Variants in UGGT2 observed in about 807,000 individuals in gnomAD.
UGGT2 encodes the protein UDP-glucose glycoprotein glucosyltransferase 2.
UGGT2 carries 180 observed loss-of-function variants against 192.1 expected under a neutral mutation model. The observed-to-expected ratio is 0.94, with a 90% CI of 0.83 to 1.06. The LOEUF (loss-of-function observed/expected upper bound fraction) is 1.06. UGGT2 is among the 50% of genes least tolerant of loss of function. The pLI is 0.00. For missense variants in UGGT2, 1,849 were observed against 1,795.7 expected (o/e 1.03, Z -0.54); for synonymous variants, 580 against 591.0 (o/e 0.98, Z 0.27).
At chr13:95,807,767 T>C (rs1233540231) in intron 38 of UGGT2, among the ~76,000 whole-genome samples, 3 of 147,814 alleles carry the variant, frequency 2.0e-5, no homozygotes, top group Admixed American at 2.0e-4. Flanking sequence ...ATGATTTCCT[T>C]GGTTAGCTTT....
intron 10 of UGGT2, among the ~76,000 whole-genome samples, chr13:95,979,018 T>C (rs536532008): frequency 1.4e-4 from 21 of 152,320 alleles, no homozygotes; most frequent in African/African-American, 5.1e-4. Flanking sequence ...TTTGGTTCAT[T>C]AAGCAATTAT....
intron 1 of UGGT2, among the ~76,000 whole-genome samples, chr13:96,042,176 C>G (rs2053183450): frequency 6.6e-6 from 1 of 152,174 alleles, no homozygotes; most frequent in Admixed American, 6.5e-5. Context: ...CTAAGAGACC[C>G]ATAGACAGTT....
At chr13:95,824,034 T>C (rs1186098909) in intron 38 of UGGT2, among the ~76,000 whole-genome samples, 1 of 152,158 alleles carries the variant, frequency 6.6e-6, no homozygotes, top group Non-Finnish European at 1.5e-5. Context: ...TGAAAGGTTT[T>C]AGTTTTACTG....
chr13:96,007,296 T>C (rs1333483778), intron 5 of UGGT2, among the ~76,000 whole-genome samples: 2 of 152,126 alleles, frequency 1.3e-5, no homozygotes, highest in Non-Finnish European at 2.9e-5. Context: ...AGAGGGAACA[T>C]ACCTCAAAAT....
chr13:95,973,110 C>T (rs1396285111), intron 10 of UGGT2, among the ~76,000 whole-genome samples: 2 of 152,132 alleles, frequency 1.3e-5, no homozygotes, highest in Non-Finnish European at 2.9e-5. Flanking sequence ...GCGGAGGTTG[C>T]AGTGAGCCAA....
intron 38 of UGGT2, among the ~76,000 whole-genome samples, chr13:95,821,798 G>C (rs1885544543): frequency 6.6e-6 from 1 of 152,064 alleles, no homozygotes; most frequent in Non-Finnish European, 1.5e-5. Context: ...AGTTTTCCCA[G>C]CATCATTTAT....
At chr13:95,927,466 CTTTCTTTTTT>C (rs2049059906) in intron 17 of UGGT2, 130 bp from the exon 18 acceptor site, 5 of 590,038 alleles carry the variant, frequency 8.5e-6, no homozygotes, top group Admixed American at 4.0e-5. Context: ...AATACATTTT[CTTTCTTTTTT>C]TTTTTTTTTT....
chr13:95,982,877 G>A (rs2051172493), intron 10 of UGGT2, among the ~76,000 whole-genome samples: 1 of 152,174 alleles, frequency 6.6e-6, no homozygotes, highest in African/African-American at 2.4e-5. Context: ...ATGATGTGTT[G>A]TGGTTCCTAA....
intron 38 of UGGT2, among the ~76,000 whole-genome samples, chr13:95,804,434 T>C (rs1322492312): frequency 1.3e-5 from 2 of 152,182 alleles, no homozygotes; most frequent in Non-Finnish European, 1.5e-5. Flanking sequence ...ACCCCAATGA[T>C]GCTTTTTATA....
At chr13:95,838,549 T>C (rs774600816) in intron 36 of UGGT2, among the ~76,000 whole-genome samples, 1 of 152,106 alleles carries the variant, frequency 6.6e-6, no homozygotes, top group Non-Finnish European at 1.5e-5. Context: ...AGTCTTACTA[T>C]AAAGTTACAG....
intron 27 of UGGT2, among the ~76,000 whole-genome samples, chr13:95,878,997 G>A (rs1175571654): frequency 6.6e-6 from 1 of 152,100 alleles, no homozygotes; most frequent in Non-Finnish European, 1.5e-5. Context: ...CCTATATCCA[G>A]AGTCTTTATA....
chr13:95,911,550 C>T (rs1233278762), intron 20 of UGGT2, among the ~76,000 whole-genome samples: 2 of 152,168 alleles, frequency 1.3e-5, no homozygotes, highest in Non-Finnish European at 1.5e-5. Context: ...AGCTGAATCT[C>T]TGAATAGACA....
intron 1 of UGGT2, among the ~76,000 whole-genome samples, chr13:96,039,387 C>A (rs1271633869): frequency 2.6e-5 from 4 of 152,194 alleles, no homozygotes; most frequent in African/African-American, 9.7e-5. Context: ...CACATCATTA[C>A]ACGGATCCTC....
Position 95,985,412 on chromosome 13 carries a change from T to C in UGGT2, c.1031+921A>G, listed in dbSNP as rs553643850. ...CCTTGGTATCTTGTAGCCAACCATG[T>C]ACTATTTATTTACTTTCAAAATTAA... On this transcript the variant is annotated intron_variant, in intron 9 of 38. Transcript: ENST00000376747. 65 of 402,798 alleles carry C rather than the reference T, an allele frequency of 1.6e-4. No homozygotes were observed. In the East Asian group the frequency reaches 4.7e-3, roughly 29 times the overall value. 25.0% of individuals were successfully genotyped at this position (402,798 alleles called of 1,614,324 possible).
intron 12 of UGGT2, among the ~76,000 whole-genome samples, chr13:95,968,144 A>G (rs1266171757): frequency 6.6e-6 from 1 of 152,134 alleles, no homozygotes; most frequent in East Asian, 1.9e-4. Flanking sequence ...GAGTTTCATC[A>G]TTAAAAATGA....
At chr13:95,867,857 A>T (rs1362454851) in intron 29 of UGGT2, among the ~76,000 whole-genome samples, 4 of 152,188 alleles carry the variant, frequency 2.6e-5, no homozygotes. Context: ...AGCCATTTTC[A>T]AATGCCAAAA....
At chr13:96,041,503 T>G (rs778067628) in intron 1 of UGGT2, among the ~76,000 whole-genome samples, 12 of 152,094 alleles carry the variant, frequency 7.9e-5, no homozygotes, top group Non-Finnish European at 1.5e-4. Context: ...GGCCAGAACT[T>G]GGGAGAGGGC....
At chr13:95,984,799 G>T (rs1042280526) in intron 9 of UGGT2, 1 of 152,092 alleles carries the variant, frequency 6.6e-6, no homozygotes, top group Non-Finnish European at 1.5e-5. Context: ...GCAAAGTTCT[G>T]CTTTAAGGAA....
At chr13:95,928,029 G>C (rs2049088114) in intron 17 of UGGT2, among the ~76,000 whole-genome samples, 1 of 152,222 alleles carries the variant, frequency 6.6e-6, no homozygotes, top group African/African-American at 2.4e-5. Flanking sequence ...ATTTTTCTTA[G>C]TACAGAACAA....
Sources: gnomAD v4.1 joint callset for allele counts (sites outside exome capture counted in the v4.1 genomes callset) on GRCh38, gnomAD v4.1.1 for gene constraint, MANE v1.5 for transcripts, NCBI Gene and HGNC (gene_info 2026-07-23, HGNC 2026-07-21) for gene names.